ITGAX: variants seen among roughly 807,000 people sequenced by gnomAD.
ITGAX encodes the protein integrin subunit alpha X.
In ITGAX, 99 loss-of-function variants were observed where a neutral mutation model predicts 140.2. That is an observed-to-expected ratio of 0.71 (90% CI 0.60 to 0.83). The LOEUF (loss-of-function observed/expected upper bound fraction) is 0.83. ITGAX is among the 40% of genes least tolerant of loss of function. The pLI is 0.00. For missense variants in ITGAX, 1,444 were observed against 1,482.0 expected, an observed-to-expected ratio of 0.97 and a Z score of 0.42; for synonymous variants, 631 against 600.4, an observed-to-expected ratio of 1.05 and a Z score of -0.75.
intron 9 of ITGAX, chr16:31,361,516 G>T: frequency 1.5e-6 from 1 of 671,980 alleles, no homozygotes; most frequent in Non-Finnish European, 2.7e-6. Flanking sequence ...CCCACACCGG[G>T]CCCTACCCAG....
Position 31,373,230 on chromosome 16 carries a change from TCC to T in ITGAX, c.2367-18_2367-17del, listed in dbSNP as rs1399050084. On this transcript the variant is annotated splice_polypyrimidine_tract_variant and intron_variant, in intron 19 of 29. Coordinates refer to ENST00000268296, the MANE Select transcript of ITGAX (RefSeq NM_000887.5). ...TCAGTCACAGAATCATCTTCTCCTT[TCC>T]TTCACCTGATACCCAGCTTGAAGTC... 6.2e-7 allele frequency: 1 copy of T among 1,602,804 alleles called. No individual in the cohort carries two copies.
chr16:31,358,591 G>T (rs2080787458), intron 5 of ITGAX: 1 of 152,022 alleles, frequency 6.6e-6, no homozygotes, highest in South Asian at 2.1e-4. Flanking sequence ...GACAGAGTGA[G>T]ACTCCATCTC....
chr16:31,360,779 G>C, intron 8 of ITGAX: 1 of 511,086 alleles, frequency 2.0e-6, no homozygotes, highest in South Asian at 2.4e-5. Context: ...GTCTCCCAAA[G>C]CACAGGGATT....
Position 31,380,016 on chromosome 16 carries a change from C to T in ITGAX, c.3011C>T (p.Ala1004Val), listed in dbSNP as rs2081053732. 6.2e-7 allele frequency: 1 copy of T among 1,614,088 alleles called. No individual in the cohort carries two copies. Residue 1004 changes from alanine (A) to valine (V), a missense_variant, in exon 26 of 30, where the codon GCA (alanine) becomes GTA (valine). Physicochemically the swap from Ala to Val is moderately conservative, Grantham distance 64. Coordinates refer to ENST00000268296, the MANE Select transcript of ITGAX (RefSeq NM_000887.5). ...CTTCGGTGCTCCTCAGAGAAAATCG[C>T]ACCCCCAGCATCTGACTTCCTGGCG... Reference protein sequence around the residue: ...PSLRCSSEKIAPPASDFLAHI... With the variant: ...PSLRCSSEKIVPPASDFLAHI...
rs757929520 is a variant in ITGAX at position 31,362,204 on chromosome 16, G to T, written c.1216G>T (p.Gly406Cys). Residue 406 changes from glycine to cysteine, a missense_variant and splice_region_variant, in exon 11 of 30, where the codon GGT (glycine) becomes TGT (cysteine). Coordinates refer to ENST00000268296, the MANE Select transcript of ITGAX (RefSeq NM_000887.5). The part of the protein sequence containing the change: ...ENVDMRDSYL[G>C]YSTELALWKG... Reference sequence around the variant, plus strand: ...TGTGGACATGAGGGACTCTTACCTGGGTGAGAAACAGCCAGGGGTTGGGGA... The same window carrying T: ...TGTGGACATGAGGGACTCTTACCTGTGTGAGAAACAGCCAGGGGTTGGGGA... 1 of 1,613,926 alleles carries T rather than the reference G, an allele frequency of 6.2e-7. No homozygotes were observed. The highest frequency in any genetic ancestry group is 1.7e-5 in the Admixed American group (1 of 59,992).
intron 14 of ITGAX, chr16:31,370,190 A>C (rs1008929978): frequency 1.3e-5 from 2 of 152,180 alleles, no homozygotes; most frequent in African/African-American, 4.8e-5. Context: ...TCCTGACCTC[A>C]GATGACCCAC....
In ITGAX at chr16:31,379,637, C is replaced by T. The variant is rs923040392; in HGVS notation, c.2859C>T (p.His953=). Residue 953 remains histidine, a synonymous_variant, in exon 24 of 30, where the codon CAC becomes CAT. Transcript: ENST00000268296. ...SEEKESHVAM[H]RYQVNNLGQR... ...AGAAGGAAAGCCATGTGGCCATGCA[C>T]AGATACCAGGCAGGTGGTGGAGACG... is the stretch of plus-strand genomic sequence containing the variant. The T allele has an allele frequency of 1.3e-6, 2 of 1,563,954 alleles. No individual in the cohort carries two copies. The highest frequency in any genetic ancestry group is 2.7e-5 in the African/African-American group (2 of 73,862).
intron 17 of ITGAX, among the ~76,000 whole-genome samples, chr16:31,372,170 G>GGC (rs2080972807): frequency 6.6e-6 from 1 of 151,696 alleles, no homozygotes; most frequent in Non-Finnish European, 1.5e-5. Context: ...AGGTCTGGGG[G>GGC]GGGGGAGGAA....
chr16:31,379,558 C>A lies in ITGAX; in HGVS notation c.2790-10C>A. The A allele has an allele frequency of 1.9e-6, 3 of 1,557,120 alleles. No homozygotes were observed. Among genetic ancestry groups the A allele is most frequent in the East Asian group, 2.4e-5 (1 of 42,086 alleles). On this transcript the variant is annotated splice_polypyrimidine_tract_variant and intron_variant, in intron 23 of 29. Coordinates refer to ENST00000268296, the MANE Select transcript of ITGAX (RefSeq NM_000887.5). Reference sequence around the variant, plus strand: ...TAGTTCACATCCACTTATGCGTCTTCTCTCTCCAGCCACGAACAATTCACC... The same window carrying A: ...TAGTTCACATCCACTTATGCGTCTTATCTCTCCAGCCACGAACAATTCACC...
intron 8 of ITGAX, 127 bp from the exon 9 acceptor site, chr16:31,360,936 G>A (rs1363087638): frequency 1.2e-5 from 11 of 888,248 alleles, no homozygotes; most frequent in East Asian, 1.2e-4. Flanking sequence ...TCCGGGCTTC[G>A]TGTTTCTCCT....
intron 14 of ITGAX, 96 bp downstream of exon 14, chr16:31,363,470 C>G (rs970217419): frequency 7.3e-7 from 1 of 1,372,406 alleles, no homozygotes; most frequent in African/African-American, 1.4e-5. Flanking sequence ...CCTTTTCCTA[C>G]CTCCCTTGCC....
chr16:31,357,260 G>A lies in ITGAX; in HGVS notation c.326G>A (p.Gly109Asp). Residue 109 changes from glycine to aspartate, a missense_variant, in exon 5 of 30, where the codon GGC becomes GAC. By Grantham distance (94) the Gly-to-Asp change is moderately conservative. Transcript: ENST00000268296. ...AGCCCGCTGTGTCCCCAGGCCTGCG[G>A]CCCCACCGTGCACCACGAGTGCGGG... The part of the protein sequence containing the change: ...TTSPSQLLAC[G>D]PTVHHECGRN... 1 of 1,603,550 alleles carries A rather than the reference G, an allele frequency of 6.2e-7. No individual in the cohort carries two copies.
rs376377857 is a variant in ITGAX at position 31,357,024 on chromosome 16, C to G, written c.248-7C>G. ...GAGAGTGACCATGCACATATCTGTC[C>G]CCACAGTGCCCCCGGAGGCCGTGAA... On this transcript the variant is annotated splice_region_variant and splice_polypyrimidine_tract_variant and intron_variant, in intron 3 of 29. Transcript: ENST00000268296. 18 of 1,606,484 alleles carry G rather than the reference C, an allele frequency of 1.1e-5. No homozygotes were observed. The highest frequency in any genetic ancestry group is 1.4e-5 in the Non-Finnish European group (16 of 1,178,376).
In ITGAX at chr16:31,371,460, T is replaced by C; in HGVS notation, c.1968T>C (p.Leu656=). Residue 656 remains leucine, a synonymous_variant, in exon 16 of 30, where the codon CTT becomes CTC. Transcript: ENST00000268296. ...CCCTGGTACAGTCCAACATCTGCCT[T>C]TACATTGACAAACGTTCTAAGAACC... ...EQTLVQSNIC[L]YIDKRSKNLL... is the part of the protein sequence containing the mutation. 2 of 1,614,056 alleles carry C rather than the reference T, an allele frequency of 1.2e-6. No individual in the cohort carries two copies. The highest frequency in any genetic ancestry group is 1.7e-6 in the Non-Finnish European group (2 of 1,179,988).
At chr16:31,355,863 T>C (rs1381027648) in intron 1 of ITGAX, 30 bp from the exon 2 acceptor site, 1 of 1,560,356 alleles carries the variant, frequency 6.4e-7, no homozygotes, top group Non-Finnish European at 8.8e-7. Flanking sequence ...AAGACCCTTC[T>C]CCAAAGCTCT....
intron 7 of ITGAX, 81 bp downstream of exon 7, chr16:31,360,146 A>T (rs2080807584): frequency 1.9e-6 from 3 of 1,563,732 alleles, no homozygotes; most frequent in Non-Finnish European, 2.6e-6. Flanking sequence ...CGAGAAGGGG[A>T]CAGGCAGGGA....
Position 31,373,233 on chromosome 16 carries a change from T to C in ITGAX, c.2367-16T>C, listed in dbSNP as rs2070896. On this transcript the variant is annotated splice_polypyrimidine_tract_variant and intron_variant, in intron 19 of 29. Transcript: ENST00000268296. Reference sequence around the variant, plus strand: ...GTCACAGAATCATCTTCTCCTTTCCTTCACCTGATACCCAGCTTGAAGTCC... The same window carrying C: ...GTCACAGAATCATCTTCTCCTTTCCCTCACCTGATACCCAGCTTGAAGTCC... 611,894 of 1,536,050 alleles carry C rather than the reference T, an allele frequency of 0.4. 120,236 individuals carry two copies. The highest frequency in any genetic ancestry group is 0.7 in the East Asian group (30,198 of 43,020).
At position 31,372,273 on chromosome 16, in the gene ITGAX, AGCCGCGCGGGAGCTGG is replaced by A; in HGVS notation, c.2161-102_2161-87del. ...CTGAGCAGGCTCTGGAGGAAGCTGAAGCCGCGCGGGAGCTGGGCAGAGGCAGGATAAGAACTGCGGA... is the reference window on the plus strand; with the variant it reads ...CTGAGCAGGCTCTGGAGGAAGCTGAAGCAGAGGCAGGATAAGAACTGCGGA... On this transcript the variant is annotated intron_variant, in intron 17 of 29. Transcript: ENST00000268296. The A allele has an allele frequency of 4.3e-6, 6 of 1,379,368 alleles. No individual in the cohort carries two copies. In the South Asian group the frequency reaches 8.2e-5, roughly 19 times the overall value. 85.4% of individuals were successfully genotyped at this position (1,379,368 alleles called of 1,614,324 possible).
intron 9 of ITGAX, 49 bp downstream of exon 9, chr16:31,361,262 C>G (rs780948437): frequency 6.4e-7 from 1 of 1,561,980 alleles, no homozygotes; most frequent in Admixed American, 2.0e-5. Context: ...GCCGTTAACA[C>G]CTTTCCACTT....
Sources: gnomAD v4.1 joint callset for allele counts (sites outside exome capture counted in the v4.1 genomes callset) on GRCh38, gnomAD v4.1.1 for gene constraint, MANE v1.5 for transcripts, NCBI Gene and HGNC (gene_info 2026-07-23, HGNC 2026-07-21) for gene names.